MAML2: variants seen among roughly 807,000 people sequenced by gnomAD.
The protein encoded by MAML2 is mastermind-like protein 2.
In MAML2, 22 loss-of-function variants were observed where a neutral mutation model predicts 96.1. The ratio of observed to expected loss-of-function variants is 0.23; its 90% CI spans 0.16 to 0.33. The LOEUF (loss-of-function observed/expected upper bound fraction) is 0.33. Among genes scored for constraint, MAML2 ranks in the 10% least tolerant of loss-of-function variants. The pLI is 1.00. For missense variants in MAML2, 1,367 were observed against 1,392.4 expected (o/e 0.98, Z 0.29); for synonymous variants, 561 against 521.3 (o/e 1.08, Z -1.04).
At chr11:96,068,716 G>C (rs1859287894) in intron 2 of MAML2, among the ~76,000 whole-genome samples, 1 of 151,714 alleles carries the variant, frequency 6.6e-6, no homozygotes, top group South Asian at 2.1e-4. Context: ...TGTAGTCCCA[G>C]CTACTCAGGA....
Position 96,341,523 on chromosome 11 carries a change from G to A in MAML2, c.373C>T (p.Pro125Ser), listed in dbSNP as rs1026268005. Reference protein sequence around the residue: ...ASQAAATAAPPPPPDYHHHHQ... With the variant: ...ASQAAATAAPSPPPDYHHHHQ... ...TGATGGTGATAGTCTGGTGGGGGCG[G>A]TGGGGCTGCTGTTGCTGCTGCTTGG... The change falls in exon 1 of 5, where the codon CCG becomes TCG. Residue 125 changes from proline (P) to serine (S), a missense_variant. By Grantham distance (74) the Pro-to-Ser change is moderately conservative. Coordinates refer to ENST00000524717, the MANE Select transcript of MAML2 (RefSeq NM_032427.4). 1.3e-6 allele frequency: 2 copies of A among 1,551,422 alleles called. No individual in the cohort carries two copies. The highest frequency in any genetic ancestry group is 1.4e-5 in the African/African-American group (1 of 73,006).
rs147697685 is a variant in MAML2, at chr11:96,201,106, T to C, written c.514-107589A>G. Among the ~76,000 whole-genome samples, 563 of 152,330 alleles carry C rather than the reference T, an allele frequency of 3.7e-3. 16 individuals are homozygous for C. Among genetic ancestry groups the C allele is most frequent in the East Asian group, 0.025 (131 of 5,188 alleles). On this transcript the variant is annotated intron_variant, in intron 1 of 4. Transcript: ENST00000524717. ...AATCTGAAATACATTGTAAGGGATC[T>C]TCATGGACAGATCAGAGCAATAGAT...
rs998407413 is a variant in MAML2 at position 96,244,982 on chromosome 11, G to A, written c.513+96401C>T. ...CATGCTGTATCTTAAAATGTCAGAT[G>A]TTAGATGTGAGATTATACATCCATA... On this transcript the variant is annotated intron_variant, in intron 1 of 4. Transcript: ENST00000524717. 2.0e-5 allele frequency among the ~76,000 whole-genome samples: 3 copies of A among 152,176 alleles called. No homozygotes were observed. The East Asian group carries it at 5.8e-4, about 29-fold the overall frequency.
At chr11:96,309,163 A>G (rs922500191) in intron 1 of MAML2, among the ~76,000 whole-genome samples, 12 of 152,060 alleles carry the variant, frequency 7.9e-5, no homozygotes, top group Admixed American at 7.2e-4. Flanking sequence ...GAGAGAATGT[A>G]CTCCCACTGA....
At position 96,091,910 on chromosome 11, in the gene MAML2, G is replaced by A. The variant is rs368576133; in HGVS notation, c.2121C>T (p.Val707=). ...CCCTTACCTGTCTCTGTTGTTGGGA[G>A]ACTTGGTATCCCATTCCTGCAATGG... The part of the protein sequence containing the change: ...NQPIAGMGYQ[V]SQQQRQDQHS... The change falls in exon 2 of 5, where the codon GTC becomes GTT. Residue 707 remains valine, a synonymous_variant. Coordinates refer to ENST00000524717, the MANE Select transcript of MAML2 (RefSeq NM_032427.4). 3 of 1,613,298 alleles carry A rather than the reference G, an allele frequency of 1.9e-6. No homozygotes were observed. The African/African-American group carries it at 4.0e-5, about 22-fold the overall frequency.
chr11:96,078,582 T>C (rs1859483012), intron 2 of MAML2, among the ~76,000 whole-genome samples: 2 of 152,218 alleles, frequency 1.3e-5, no homozygotes, highest in Admixed American at 6.5e-5. Flanking sequence ...CTGAGAGCAA[T>C]GATACCGGAA....
chr11:96,341,901 C>T lies in MAML2; in HGVS notation c.-6G>A, dbSNP rs117686537. 35,745 of 1,510,150 alleles carry T rather than the reference C, an allele frequency of 0.024. 549 individuals carry two copies. The highest frequency in any genetic ancestry group is 0.053 in the Admixed American group (2,463 of 46,500). 93.5% of individuals were successfully genotyped at this position (1,510,150 alleles called of 1,614,324 possible). A position where few individuals can be genotyped will look rare whatever the true frequency, so the allele number is the denominator to read the frequency against. On this transcript the variant is annotated 5_prime_UTR_variant, in exon 1 of 5. Transcript: ENST00000524717. ...GGGGGCGCTGTGTCCCCCATCTTAC[C>T]GGACACAATGATTGCTGCCTCTGGG...
chr11:96,227,069 TCCTA>T (rs1862222801), intron 1 of MAML2, among the ~76,000 whole-genome samples: 1 of 152,120 alleles, frequency 6.6e-6, no homozygotes, highest in Non-Finnish European at 1.5e-5. Flanking sequence ...TCAAGCTGTC[TCCTA>T]CCTCGGGGCC....
chr11:96,096,559 G>T (rs1272350446), intron 1 of MAML2, among the ~76,000 whole-genome samples: 1 of 152,188 alleles, frequency 6.6e-6, no homozygotes, highest in African/African-American at 2.4e-5. Flanking sequence ...CATTCCCACT[G>T]CACAGCCTGT....
chr11:96,090,263 C>T lies in MAML2; in HGVS notation c.2139+1629G>A, dbSNP rs140911868. 7.6e-4 allele frequency among the ~76,000 whole-genome samples: 115 copies of T among 152,242 alleles called. 3 individuals carry two copies. The East Asian group carries it at 0.02, about 27-fold the overall frequency. ...TTATGTTAGAACTTGGGATTTACTC[C>T]AATGCCTCTCCTATAAAATAGCAGT... On this transcript the variant is annotated intron_variant, in intron 2 of 4. Transcript: ENST00000524717.
At chr11:96,315,270 G>A (rs1011145586) in intron 1 of MAML2, among the ~76,000 whole-genome samples, 11 of 152,190 alleles carry the variant, frequency 7.2e-5, no homozygotes, top group Non-Finnish European at 1.6e-4. Flanking sequence ...TTTGTGGAAG[G>A]ACATAGTTGT....
chr11:96,055,449 A>C (rs1427774566), intron 2 of MAML2, among the ~76,000 whole-genome samples: 1 of 152,154 alleles, frequency 6.6e-6, no homozygotes, highest in African/African-American at 2.4e-5. Context: ...AGAGCCAGCT[A>C]CTCCAAGAAG....
At chr11:96,089,573 T>C (rs1859671982) in intron 2 of MAML2, among the ~76,000 whole-genome samples, 1 of 152,226 alleles carries the variant, frequency 6.6e-6, no homozygotes, top group African/African-American at 2.4e-5. Context: ...ATTCTATAGC[T>C]GTATTGAACA....
intron 1 of MAML2, among the ~76,000 whole-genome samples, chr11:96,286,898 C>G (rs517082): frequency 0.74 from 112,817 of 152,116 alleles, 41,913 homozygotes; most frequent in East Asian, 0.85. Context: ...TACATGGTCA[C>G]CATATCAGCC....
intron 1 of MAML2, among the ~76,000 whole-genome samples, chr11:96,275,269 ATTTTTTTTTTTT>A (rs56407815): frequency 1.8e-5 from 2 of 111,750 alleles, no homozygotes; most frequent in Non-Finnish European, 3.4e-5. Context: ...ACACTAAGGA[ATTTTTTTTTTTT>A]TTTTTTTTTT....
chr11:96,083,615 G>A (rs1284122844), intron 2 of MAML2, among the ~76,000 whole-genome samples: 1 of 152,198 alleles, frequency 6.6e-6, no homozygotes, highest in African/African-American at 2.4e-5. Flanking sequence ...GCTAGCTCCT[G>A]TTCCTAACTT....
intron 2 of MAML2, among the ~76,000 whole-genome samples, chr11:96,079,735 TG>T (rs1275195757): frequency 7.9e-5 from 12 of 152,054 alleles, no homozygotes; most frequent in Non-Finnish European, 1.8e-4. Context: ...GACCATCAGA[TG>T]AAATGCAACA....
intron 1 of MAML2, among the ~76,000 whole-genome samples, chr11:96,256,118 C>T (rs1339443703): frequency 6.6e-6 from 1 of 152,016 alleles, no homozygotes; most frequent in African/African-American, 2.4e-5. Context: ...AGGTGATCCA[C>T]CCGCCTCGGC....
intron 1 of MAML2, among the ~76,000 whole-genome samples, chr11:96,199,667 A>G (rs1861787472): frequency 6.6e-6 from 1 of 151,830 alleles, no homozygotes; most frequent in African/African-American, 2.4e-5. Flanking sequence ...CTGAGGTTTT[A>G]CCACGCCCCT....
Sources: gnomAD v4.1 joint callset for allele counts (sites outside exome capture counted in the v4.1 genomes callset) on GRCh38, gnomAD v4.1.1 for gene constraint, MANE v1.5 for transcripts, NCBI Gene and HGNC (gene_info 2026-07-23, HGNC 2026-07-21) for gene names.